POLK: variants seen among roughly 807,000 people sequenced by gnomAD.
POLK encodes the protein DNA polymerase kappa.
Under a neutral mutation model 94.0 loss-of-function variants are expected in POLK, and 76 were observed. The ratio of observed to expected loss-of-function variants is 0.81; its 90% confidence interval spans 0.67 to 0.98. The LOEUF is 0.98. Ranked by LOEUF, POLK falls within the 50% of genes least tolerant of loss-of-function variation. The pLI, the probability that POLK is intolerant of heterozygous loss-of-function variation, is 0.00. For missense variants in POLK, 954 were observed against 1,010.1 expected (o/e 0.94, Z 0.75); for synonymous variants, 349 against 325.4 (o/e 1.07, Z -0.78).
chr5:75,573,918 A>C (rs1317900202), intron 5 of POLK, 49 bp downstream of exon 5: 1 of 1,592,374 alleles, frequency 6.3e-7, no homozygotes, highest in Non-Finnish European at 8.6e-7. Flanking sequence ...AGTTCCTGTC[A>C]CCTACAGAAT....
At chr5:75,581,677 T>TA in intron 7 of POLK, 8 of 441,046 alleles carry the variant, frequency 1.8e-5, no homozygotes, top group Non-Finnish European at 3.2e-5. Flanking sequence ...TACGTTTCTT[T>TA]CTTTTTTTTT....
intron 2 of POLK, 67 bp downstream of exon 2, chr5:75,547,224 T>A (rs1300382430): frequency 1.5e-6 from 1 of 670,368 alleles, no homozygotes; most frequent in African/African-American, 1.9e-5. Flanking sequence ...TCAAAGAAAA[T>A]CATTTGAATA....
chr5:75,570,772 C>G (rs1581047239), intron 4 of POLK, among the ~76,000 whole-genome samples: 1 of 152,116 alleles, frequency 6.6e-6, no homozygotes, highest in African/African-American at 2.4e-5. Context: ...AAGAGTTCTT[C>G]CCTGTTCCTA....
chr5:75,609,262 TAAAA>T, the POLK span: 4 of 151,646 alleles, frequency 2.6e-5, no homozygotes, highest in African/African-American at 9.7e-5. Context: ...TTATTTATAT[TAAAA>T]AAAAATTTTT....
intron 1 of POLK, among the ~76,000 whole-genome samples, chr5:75,528,197 T>C (rs1201381962): frequency 6.6e-6 from 1 of 152,046 alleles, no homozygotes; most frequent in Non-Finnish European, 1.5e-5. Context: ...TTATACTCCA[T>C]GTAAGTAAAA....
At chr5:75,513,232 A>C (rs1485091927) in intron 1 of POLK, among the ~76,000 whole-genome samples, 1 of 152,138 alleles carries the variant, frequency 6.6e-6, no homozygotes, top group Non-Finnish European at 1.5e-5. Flanking sequence ...TCCACACTCC[A>C]TTTATATTGA....
chr5:75,596,342 C>T (rs1290873804), exon 13 of POLK: 1 of 1,612,998 alleles, frequency 6.2e-7, no homozygotes, highest in East Asian at 2.2e-5. Context: ...TTAGAGAAAA[C>T]TGACAAAGAT....
intron 1 of POLK, among the ~76,000 whole-genome samples, chr5:75,539,266 T>A (rs1049087316): frequency 5.9e-5 from 9 of 152,014 alleles, no homozygotes; most frequent in African/African-American, 1.4e-4. Context: ...TTTTTTTTTT[T>A]ATCATGTTTT....
chr5:75,528,917 A>C (rs1769005261), intron 1 of POLK, among the ~76,000 whole-genome samples: 1 of 152,156 alleles, frequency 6.6e-6, no homozygotes, highest in East Asian at 1.9e-4. Flanking sequence ...TCCATGGGGG[A>C]TTGGCTCCCA....
chr5:75,511,599 C>T (rs1768010355), upstream of POLK: 2 of 1,466,608 alleles, frequency 1.4e-6, no homozygotes, highest in Non-Finnish European at 1.8e-6. Flanking sequence ...CCTCCGCTAC[C>T]GCCGCCATCT....
At chr5:75,532,731 A>G (rs1325081111) in intron 1 of POLK, among the ~76,000 whole-genome samples, 7 of 152,196 alleles carry the variant, frequency 4.6e-5, no homozygotes, top group African/African-American at 1.7e-4. Flanking sequence ...CCTTTTCACT[A>G]CAACTTTGCC....
At chr5:75,549,006 A>G (rs1268782706) in intron 2 of POLK, among the ~76,000 whole-genome samples, 1 of 152,130 alleles carries the variant, frequency 6.6e-6, no homozygotes. Context: ...GAATGGCTAA[A>G]TATCTTGATA....
intron 5 of POLK, among the ~76,000 whole-genome samples, chr5:75,576,397 G>C (rs1197194301): frequency 6.6e-6 from 1 of 152,026 alleles, no homozygotes; most frequent in Non-Finnish European, 1.5e-5. Context: ...AGGCAGGAGG[G>C]AATAGAATCC....
At chr5:75,571,974 C>A (rs937511544) in intron 4 of POLK, among the ~76,000 whole-genome samples, 44 of 152,254 alleles carry the variant, frequency 2.9e-4, no homozygotes, top group African/African-American at 1.0e-3. Flanking sequence ...AGAACACTGA[C>A]CAAGGATTAG....
the POLK span, among the ~76,000 whole-genome samples, chr5:75,606,709 G>C: frequency 4.7e-4 from 71 of 151,842 alleles, no homozygotes; most frequent in African/African-American, 1.6e-3. Context: ...ATTTTTCTTA[G>C]TACATAACAA....
At chr5:75,528,327 T>A (rs1436108496) in intron 1 of POLK, among the ~76,000 whole-genome samples, 1 of 152,146 alleles carries the variant, frequency 6.6e-6, no homozygotes, top group Non-Finnish European at 1.5e-5. Flanking sequence ...CATTTTTGTA[T>A]AAAATATATG....
intron 5 of POLK, 47 bp downstream of exon 5, chr5:75,573,916 T>A (rs755784345): frequency 2.5e-6 from 4 of 1,596,150 alleles, no homozygotes; most frequent in Non-Finnish European, 1.7e-6. Flanking sequence ...TGAGTTCCTG[T>A]CACCTACAGA....
intron 1 of POLK, among the ~76,000 whole-genome samples, chr5:75,536,594 TG>T (rs1769455933): frequency 1.3e-5 from 2 of 151,588 alleles, no homozygotes; most frequent in South Asian, 4.2e-4. Flanking sequence ...TGGCTACCAG[TG>T]GTGGGGGTGG....
In POLK at chr5:75,511,930, G is replaced by C. The variant is rs1165755461; in HGVS notation, c.-14+16G>C. 3 of 1,110,238 alleles carry C rather than the reference G, an allele frequency of 2.7e-6. No homozygotes were observed. Among genetic ancestry groups the C allele is most frequent in the Non-Finnish European group, 2.6e-6 (2 of 780,744 alleles). The allele number at this position is 1,110,238 out of a possible 1,614,324, so 68.8% of individuals were successfully genotyped here. A position where few individuals can be genotyped will look rare whatever the true frequency, so the allele number is the denominator to read the frequency against. On this transcript the variant is annotated intron_variant, in intron 1 of 14. Coordinates refer to ENST00000241436, the Ensembl canonical transcript of POLK. ...GAGGTAACGGGTGAGTATCCCGCGCGGGGATCGCTTGTCCCCTTGGGGCCT... is the reference window on the plus strand; with the variant it reads ...GAGGTAACGGGTGAGTATCCCGCGCCGGGATCGCTTGTCCCCTTGGGGCCT...
Sources: allele counts gnomAD v4.1 joint callset (sites outside exome capture counted in the v4.1 genomes callset), GRCh38; gene constraint gnomAD v4.1.1; transcripts MANE v1.5; gene names NCBI Gene and HGNC (gene_info 2026-07-23, HGNC 2026-07-21).